Variants in SMYD3 observed in about 807,000 individuals in gnomAD.
SMYD3 encodes SET and MYND domain containing 3.
SMYD3 carries 36 observed loss-of-function variants against 57.7 expected under a neutral mutation model. The ratio of observed to expected loss-of-function variants is 0.62; its 90% CI spans 0.48 to 0.82. SMYD3 has a LOEUF of 0.82. Ranked by LOEUF, SMYD3 falls within the 40% of genes least tolerant of loss-of-function variation. The pLI is 0.00. For synonymous variants in SMYD3, 211 were observed against 195.0 expected (o/e 1.08, Z -0.68); for missense variants, 515 against 538.8 (o/e 0.96, Z 0.44).
intron 5 of SMYD3, among the ~76,000 whole-genome samples, chr1:245,931,959 T>C (rs1461022014): frequency 6.6e-6 from 1 of 152,252 alleles, no homozygotes; most frequent in African/African-American, 2.4e-5. Flanking sequence ...GACAACTATT[T>C]TGCATTAAGC....
intron 10 of SMYD3, chr1:245,814,434 TA>T: frequency 1.1e-6 from 1 of 946,576 alleles, no homozygotes; most frequent in Non-Finnish European, 1.3e-6. Context: ...AAAAAAAAAA[TA>T]AAAACGAAAA....
chr1:246,463,829 G>C (rs1386820260), intron 1 of SMYD3, among the ~76,000 whole-genome samples: 2 of 47,814 alleles, frequency 4.2e-5, no homozygotes, highest in Non-Finnish European at 8.3e-5. Flanking sequence ...GCGAGACCCC[G>C]TCTCAAAAAA....
intron 5 of SMYD3, among the ~76,000 whole-genome samples, chr1:245,940,229 G>A (rs1241078611): frequency 1.3e-5 from 2 of 152,194 alleles, no homozygotes; most frequent in Non-Finnish European, 2.9e-5. Flanking sequence ...AGTCCATGCA[G>A]TCTGGACAAG....
intron 5 of SMYD3, among the ~76,000 whole-genome samples, chr1:245,935,356 C>T (rs577028746): frequency 6.6e-6 from 1 of 152,246 alleles, no homozygotes; most frequent in Admixed American, 6.5e-5. Flanking sequence ...AATAAAATCA[C>T]AATGAGGTAT....
At chr1:246,424,874 A>G (rs2067195542) in intron 1 of SMYD3, among the ~76,000 whole-genome samples, 1 of 152,204 alleles carries the variant, frequency 6.6e-6, no homozygotes, top group Non-Finnish European at 1.5e-5. Context: ...TTTTATCAAC[A>G]TGCAAAAAGT....
intron 10 of SMYD3, among the ~76,000 whole-genome samples, chr1:245,828,540 T>C (rs2049637413): frequency 6.6e-6 from 1 of 152,192 alleles, no homozygotes; most frequent in Non-Finnish European, 1.5e-5. Flanking sequence ...AAAAGTTTTA[T>C]TGTATGTTTA....
At chr1:245,814,405 GTCT>G (rs1005294918) in intron 10 of SMYD3, 32 of 983,618 alleles carry the variant, frequency 3.3e-5, no homozygotes, top group Non-Finnish European at 3.7e-5. Flanking sequence ...TTCTTTCCTG[GTCT>G]TCTTCAACTG....
intron 5 of SMYD3, among the ~76,000 whole-genome samples, chr1:246,102,320 C>A (rs2061029347): frequency 6.6e-6 from 1 of 152,194 alleles, no homozygotes; most frequent in Admixed American, 6.5e-5. Flanking sequence ...ATATTTCTCA[C>A]CTGAACCACT....
intron 5 of SMYD3, among the ~76,000 whole-genome samples, chr1:245,932,401 T>G (rs1175255694): frequency 6.6e-6 from 1 of 152,212 alleles, no homozygotes; most frequent in Non-Finnish European, 1.5e-5. Context: ...ATGACTTCCC[T>G]CTTTAGCAGC....
intron 8 of SMYD3, among the ~76,000 whole-genome samples, chr1:245,911,289 T>C (rs1015750252): frequency 6.6e-6 from 1 of 152,052 alleles, no homozygotes; most frequent in African/African-American, 2.4e-5. Context: ...GTACAACCAC[T>C]ATGGACAACA....
At chr1:245,761,921 G>A (rs1397203337) in intron 11 of SMYD3, among the ~76,000 whole-genome samples, 3 of 151,652 alleles carry the variant, frequency 2.0e-5, no homozygotes, top group Non-Finnish European at 4.4e-5. Flanking sequence ...GAGCAGCTAG[G>A]ATTTCAGGCA....
At chr1:246,217,679 G>T (rs536097527) in intron 5 of SMYD3, among the ~76,000 whole-genome samples, 15 of 152,162 alleles carry the variant, frequency 9.9e-5, no homozygotes, top group African/African-American at 3.6e-4. Flanking sequence ...ATAAGAGATT[G>T]AAAATATGAG....
At chr1:246,382,176 C>T (rs1392289634) in intron 1 of SMYD3, among the ~76,000 whole-genome samples, 4 of 151,978 alleles carry the variant, frequency 2.6e-5, no homozygotes, top group Non-Finnish European at 5.9e-5. Flanking sequence ...CCCCAAACCC[C>T]TCCAGCTGAC....
intron 8 of SMYD3, among the ~76,000 whole-genome samples, chr1:245,910,652 G>A (rs2054905551): frequency 6.6e-6 from 1 of 151,918 alleles, no homozygotes; most frequent in Admixed American, 6.6e-5. Context: ...TTTCAAGAAA[G>A]TCATCAAGAA....
At chr1:246,050,724 T>C (rs141171126) in intron 5 of SMYD3, among the ~76,000 whole-genome samples, 2 of 152,274 alleles carry the variant, frequency 1.3e-5, no homozygotes, top group Non-Finnish European at 2.9e-5. Flanking sequence ...AGTGTGTTTG[T>C]TTGATTATGC....
At chr1:246,305,540 T>A (rs553038767) in intron 5 of SMYD3, among the ~76,000 whole-genome samples, 1 of 152,212 alleles carries the variant, frequency 6.6e-6, no homozygotes, top group South Asian at 2.1e-4. Context: ...AAATGAATAT[T>A]AAAGAGGGAT....
rs562982562 is a variant in SMYD3, at chr1:245,944,668, A to G, written c.532-14731T>C. Among the ~76,000 whole-genome samples the G allele has an allele frequency of 2.6e-5, 4 of 152,356 alleles. No homozygotes were observed. The South Asian group carries it at 8.3e-4, about 32-fold the overall frequency. ...TAAAATCCATATGGAACCAAAAGAG[A>G]GCCTGTAGAGCCAAGACAATCCTAA... On this transcript the variant is annotated intron_variant, in intron 5 of 11. Transcript: ENST00000490107.
chr1:246,311,411 A>G (rs903441861), intron 5 of SMYD3, among the ~76,000 whole-genome samples: 3 of 152,260 alleles, frequency 2.0e-5, no homozygotes, highest in African/African-American at 7.2e-5. Flanking sequence ...ATGATTAGCA[A>G]ACTCATATAG....
At chr1:246,029,673 G>GAAAAA (rs34698516) in intron 5 of SMYD3, among the ~76,000 whole-genome samples, 1 of 88,136 alleles carries the variant, frequency 1.1e-5, no homozygotes, top group Non-Finnish European at 2.6e-5. Context: ...CTCTGTCTCA[G>GAAAAA]AAAAAAAAAA....
Sources: allele counts gnomAD v4.1 joint callset (sites outside exome capture counted in the v4.1 genomes callset), GRCh38; gene constraint gnomAD v4.1.1; transcripts MANE v1.5; gene names NCBI Gene and HGNC (gene_info 2026-07-23, HGNC 2026-07-21).